The following IKZF3 variants were observed in gnomAD, a reference collection of about 807,000 sequenced individuals.
IKZF3 encodes the protein zinc finger protein Aiolos.
Under a neutral mutation model 49.0 loss-of-function variants are expected in IKZF3, and 10 were observed. That is an observed-to-expected ratio of 0.20 (90% confidence interval 0.13 to 0.35). The LOEUF (loss-of-function observed/expected upper bound fraction) is 0.35, where lower values mean the gene tolerates loss of function less well. Ranked by LOEUF, IKZF3 falls within the 10% of genes least tolerant of loss-of-function variation. IKZF3 has a pLI of 1.00. For missense variants in IKZF3, 498 were observed against 664.8 expected (o/e 0.75, Z 2.76); for synonymous variants, 209 against 228.2 (o/e 0.92, Z 0.76).
intron 2 of IKZF3, among the ~76,000 whole-genome samples, chr17:39,830,906 T>G (rs2062091046): frequency 6.6e-6 from 1 of 152,188 alleles, no homozygotes; most frequent in South Asian, 2.1e-4. Flanking sequence ...CCTGAAAATG[T>G]GGTCACCATG....
rs1040100131 is a variant in IKZF3 at position 39,759,612 on chromosome 17, A to G, written c.*6178T>C. On this transcript the variant is annotated 3_prime_UTR_variant, in exon 8 of 8. Transcript: ENST00000346872. Reference sequence around the variant, plus strand: ...TTGTCCTTCAGGCTCTTCTGAGTCCATGGTCCTAAAGGGTCAGGAGTCCTG... The same window carrying G: ...TTGTCCTTCAGGCTCTTCTGAGTCCGTGGTCCTAAAGGGTCAGGAGTCCTG... The G allele has an allele frequency of 3.3e-5, 5 of 152,344 alleles. No individual in the cohort carries two copies. The highest frequency in any genetic ancestry group is 5.9e-5 in the Non-Finnish European group (4 of 68,058). The allele number at this position is 152,344 out of a possible 1,614,324, so 9.4% of individuals were successfully genotyped here.
Position 39,788,203 on chromosome 17 carries a change from T to C in IKZF3, c.709+55A>G. The C allele has an allele frequency of 1.1e-5, 11 of 1,042,602 alleles. No homozygotes were observed. The South Asian group carries it at 1.4e-4, about 14-fold the overall frequency. 64.6% of individuals were successfully genotyped at this position (1,042,602 alleles called of 1,614,324 possible). A position where few individuals can be genotyped will look rare whatever the true frequency, so the allele number is the denominator to read the frequency against. ...CCACGAGTCTTTTTACTTACTATTGTATCTCACCACCTAGGACAGCAGATG... is the reference window on the plus strand; with the variant it reads ...CCACGAGTCTTTTTACTTACTATTGCATCTCACCACCTAGGACAGCAGATG... On this transcript the variant is annotated intron_variant, in intron 6 of 7. Transcript: ENST00000346872.
At chr17:39,771,659 A>G (rs2060446498) in intron 7 of IKZF3, among the ~76,000 whole-genome samples, 1 of 152,198 alleles carries the variant, frequency 6.6e-6, no homozygotes, top group African/African-American at 2.4e-5. Flanking sequence ...GAAGCAGACT[A>G]GTAAACTCGC....
chr17:39,839,063 T>G (rs2062387872), intron 1 of IKZF3, among the ~76,000 whole-genome samples: 1 of 152,160 alleles, frequency 6.6e-6, no homozygotes, highest in African/African-American at 2.4e-5. Context: ...ACTCCTGGCC[T>G]CAAGGAATCC....
At chr17:39,857,108 G>GT (rs559584668) in intron 1 of IKZF3, among the ~76,000 whole-genome samples, 19 of 152,120 alleles carry the variant, frequency 1.2e-4, no homozygotes, top group Non-Finnish European at 2.2e-4. Context: ...AGCAGTCTAG[G>GT]TCAAGGGATT....
intron 3 of IKZF3, among the ~76,000 whole-genome samples, chr17:39,808,826 G>A (rs546662577): frequency 1.9e-4 from 29 of 152,232 alleles, no homozygotes; most frequent in Non-Finnish European, 3.8e-4. Flanking sequence ...AAATGCAAGA[G>A]AGAGTTCTGG....
chr17:39,822,697 C>T (rs2061843700), intron 3 of IKZF3, among the ~76,000 whole-genome samples: 1 of 151,818 alleles, frequency 6.6e-6, no homozygotes, highest in Admixed American at 6.6e-5. Context: ...ATTCTCCTGC[C>T]TCAGCCTCCT....
intron 1 of IKZF3, among the ~76,000 whole-genome samples, chr17:39,857,443 T>C (rs2063093099): frequency 2.0e-5 from 3 of 152,342 alleles, no homozygotes; most frequent in African/African-American, 4.8e-5. Flanking sequence ...AAAACATCTA[T>C]TGTGAAGAAA....
intron 1 of IKZF3, among the ~76,000 whole-genome samples, chr17:39,855,207 C>G (rs2063001423): frequency 6.6e-6 from 1 of 152,148 alleles, no homozygotes; most frequent in Non-Finnish European, 1.5e-5. Context: ...TCTGATCCCA[C>G]ATAAGATTTT....
intron 6 of IKZF3, among the ~76,000 whole-genome samples, chr17:39,782,368 G>A (rs1365709053): frequency 6.6e-6 from 1 of 152,004 alleles, no homozygotes; most frequent in Non-Finnish European, 1.5e-5. Context: ...ACTCCAGTGT[G>A]AGGAACACAG....
rs566284213 is a variant in IKZF3, at chr17:39,861,834, G to A, written c.7+2286C>T. 4.6e-5 allele frequency among the ~76,000 whole-genome samples: 7 copies of A among 152,320 alleles called. No homozygotes were observed. In the South Asian group the frequency reaches 1.4e-3, roughly 32 times the overall value. Reference sequence around the variant, plus strand: ...AATATATGATCTGATGGTGAGAACAGTAACTCAGAGTTGCCGAGATAAACT... The same window carrying A: ...AATATATGATCTGATGGTGAGAACAATAACTCAGAGTTGCCGAGATAAACT... On this transcript the variant is annotated intron_variant, in intron 1 of 7. Coordinates refer to ENST00000346872, the MANE Select transcript of IKZF3 (RefSeq NM_012481.5).
intron 3 of IKZF3, among the ~76,000 whole-genome samples, chr17:39,817,003 C>T (rs2061693153): frequency 6.6e-6 from 1 of 152,252 alleles, no homozygotes; most frequent in African/African-American, 2.4e-5. Flanking sequence ...CCTGAGCCAC[C>T]ATGCCTGGCC....
At chr17:39,857,428 G>T (rs936206051) in intron 1 of IKZF3, among the ~76,000 whole-genome samples, 1 of 152,132 alleles carries the variant, frequency 6.6e-6, no homozygotes, top group Non-Finnish European at 1.5e-5. Flanking sequence ...ACAATTTTAA[G>T]AATCAAAACA....
rs1025755545 is a variant in IKZF3, at chr17:39,761,703, T to G, written c.*4087A>C. On this transcript the variant is annotated 3_prime_UTR_variant, in exon 8 of 8. Transcript: ENST00000346872. ...GAAACTTTGCCTGGGTTTTTTTGTT[T>G]GTTTGTTTGTTTTTGTTTTAGACAG... 6.6e-5 allele frequency: 10 copies of G among 152,286 alleles called. No individual in the cohort carries two copies. Among genetic ancestry groups the G allele is most frequent in the Admixed American group, 6.5e-4 (10 of 15,282 alleles). The allele number at this position is 152,286 out of a possible 1,614,324, so 9.4% of individuals were successfully genotyped here.
chr17:39,795,331 G>C (rs2061135553), intron 3 of IKZF3, among the ~76,000 whole-genome samples: 1 of 152,186 alleles, frequency 6.6e-6, no homozygotes, highest in Admixed American at 6.5e-5. Flanking sequence ...TTTGCCTTTG[G>C]AGTCTTACCA....
At chr17:39,825,934 C>T (rs1598126723) in intron 3 of IKZF3, among the ~76,000 whole-genome samples, 1 of 152,102 alleles carries the variant, frequency 6.6e-6, no homozygotes, top group South Asian at 2.1e-4. Flanking sequence ...CTCTTTTCCC[C>T]TACAATTGAC....
At chr17:39,859,529 C>A (rs1004846773) in intron 1 of IKZF3, among the ~76,000 whole-genome samples, 1 of 151,942 alleles carries the variant, frequency 6.6e-6, no homozygotes, top group African/African-American at 2.4e-5. Context: ...GCTGTTACTA[C>A]AGGCATGTGC....
intron 3 of IKZF3, among the ~76,000 whole-genome samples, chr17:39,806,833 CTG>C (rs2061440801): frequency 6.6e-6 from 1 of 152,162 alleles, no homozygotes; most frequent in Non-Finnish European, 1.5e-5. Flanking sequence ...TTATAAAAGA[CTG>C]TGACTTCCAT....
intron 1 of IKZF3, among the ~76,000 whole-genome samples, chr17:39,844,126 G>A (rs2062559752): frequency 6.6e-6 from 1 of 152,156 alleles, no homozygotes; most frequent in African/African-American, 2.4e-5. Context: ...TCCATTTGAT[G>A]GGGTCTACTG....
Sources: allele counts gnomAD v4.1 joint callset (sites outside exome capture counted in the v4.1 genomes callset), GRCh38; gene constraint gnomAD v4.1.1; transcripts MANE v1.5; gene names NCBI Gene and HGNC (gene_info 2026-07-23, HGNC 2026-07-21).